Variants in SPIDR observed in about 807,000 individuals in gnomAD.
The protein encoded by SPIDR is scaffold protein involved in DNA repair, also known as DNA repair-scaffolding protein.
A neutral mutation model predicts 104.6 loss-of-function variants in SPIDR; 93 were observed. The observed-to-expected ratio is 0.89, with a 90% confidence interval of 0.75 to 1.06. SPIDR has a LOEUF of 1.06. SPIDR is among the 50% of genes least tolerant of loss of function. The pLI is 0.00. For missense variants in SPIDR, 1,154 were observed against 1,111.2 expected (o/e 1.04, Z -0.55); for synonymous variants, 431 against 416.9 (o/e 1.03, Z -0.41).
At chr8:47,713,755 A>ATATT in intron 16 of SPIDR, 114 bp downstream of exon 16, 1 of 1,350,542 alleles carries the variant, frequency 7.4e-7, no homozygotes, top group East Asian at 2.5e-5. Context: ...AGTTCCAGAC[A>ATATT]CTGGATACAT....
rs377137954 is a variant in SPIDR, at chr8:47,553,193, C to T, written c.1098-42618C>T. Among the ~76,000 whole-genome samples, 575 of 152,260 alleles carry T rather than the reference C, an allele frequency of 3.8e-3. 3 individuals carry two copies. The highest frequency in any genetic ancestry group is 0.022 in the South Asian group (105 of 4,812). ...GACCTTTCTCTCTGGCTGCCCTTAACATTTTTTCTTCCATTTCAACCTTGG... is the reference window on the plus strand; with the variant it reads ...GACCTTTCTCTCTGGCTGCCCTTAATATTTTTTCTTCCATTTCAACCTTGG... On this transcript the variant is annotated intron_variant, in intron 8 of 19. Coordinates refer to ENST00000297423, the MANE Select transcript of SPIDR (RefSeq NM_001080394.4).
chr8:47,260,954 CGG>C lies in SPIDR; in HGVS notation c.-4_-3del. ...AGGCGGTGCGCTCAGGCGGCGCTCCCGGAGATGCCCCGCGGCAGCCGCGCTCG... is the reference window on the plus strand; with the variant it reads ...AGGCGGTGCGCTCAGGCGGCGCTCCCAGATGCCCCGCGGCAGCCGCGCTCG... On this transcript the variant is annotated 5_prime_UTR_variant, in exon 1 of 20. Coordinates refer to ENST00000297423, the MANE Select transcript of SPIDR (RefSeq NM_001080394.4). 1 of 1,228,814 alleles carries C rather than the reference CGG, an allele frequency of 8.1e-7. No individual in the cohort carries two copies. Among genetic ancestry groups the C allele is most frequent in the Non-Finnish European group, 1.0e-6 (1 of 985,792 alleles). The allele number at this position is 1,228,814 out of a possible 1,614,324, so 76.1% of individuals were successfully genotyped here.
At chr8:47,699,502 C>T (rs931207965) in intron 11 of SPIDR, among the ~76,000 whole-genome samples, 9 of 152,274 alleles carry the variant, frequency 5.9e-5, no homozygotes, top group Admixed American at 4.6e-4. Flanking sequence ...GAGAACCATA[C>T]AACTGAAATC....
At chr8:47,398,415 CAG>C (rs1221853789) in intron 6 of SPIDR, among the ~76,000 whole-genome samples, 2 of 151,776 alleles carry the variant, frequency 1.3e-5, no homozygotes, top group Non-Finnish European at 2.9e-5. Flanking sequence ...GATGTCAACT[CAG>C]AGAGAGAAAT....
chr8:47,707,453 G>A (rs1468899964), intron 14 of SPIDR, among the ~76,000 whole-genome samples: 3 of 152,168 alleles, frequency 2.0e-5, no homozygotes, highest in Non-Finnish European at 4.4e-5. Flanking sequence ...GTTTATTGTT[G>A]AGTCTTTAAA....
intron 9 of SPIDR, among the ~76,000 whole-genome samples, chr8:47,597,218 C>G (rs1303520016): frequency 6.6e-6 from 1 of 152,156 alleles, no homozygotes; most frequent in East Asian, 1.9e-4. Flanking sequence ...TGGCAACACA[C>G]TACCTTTTTT....
At chr8:47,387,831 C>G (rs1554649242) in intron 5 of SPIDR, among the ~76,000 whole-genome samples, 1 of 152,220 alleles carries the variant, frequency 6.6e-6, no homozygotes, top group Non-Finnish European at 1.5e-5. Flanking sequence ...CAAGTTCATG[C>G]TCCTTGCCTA....
At chr8:47,566,618 A>G (rs1253448781) in intron 8 of SPIDR, among the ~76,000 whole-genome samples, 1 of 151,424 alleles carries the variant, frequency 6.6e-6, no homozygotes, top group Non-Finnish European at 1.5e-5. Context: ...TTTGAGAAGG[A>G]GCCTCGCTCT....
intron 8 of SPIDR, among the ~76,000 whole-genome samples, chr8:47,467,426 C>G (rs1247978100): frequency 1.3e-5 from 2 of 152,112 alleles, no homozygotes; most frequent in Non-Finnish European, 2.9e-5. Flanking sequence ...AAACTTTAGG[C>G]CAATATTTTT....
chr8:47,527,700 C>T (rs1170703250), intron 8 of SPIDR: 6 of 152,200 alleles, frequency 3.9e-5, no homozygotes, highest in South Asian at 2.1e-4. Context: ...CAGTATGGTT[C>T]GCCAGATGGC....
At chr8:47,304,857 G>A (rs1274943165) in intron 5 of SPIDR, among the ~76,000 whole-genome samples, 1 of 152,218 alleles carries the variant, frequency 6.6e-6, no homozygotes, top group African/African-American at 2.4e-5. Context: ...TAGGCCATGA[G>A]GGCCTTGCCC....
intron 5 of SPIDR, among the ~76,000 whole-genome samples, chr8:47,351,348 G>A (rs1009638450): frequency 6.6e-6 from 1 of 152,158 alleles, no homozygotes; most frequent in Non-Finnish European, 1.5e-5. Context: ...GAGGTCCCAT[G>A]TTTTAAAAGC....
At chr8:47,508,644 C>T (rs577061040) in intron 8 of SPIDR, among the ~76,000 whole-genome samples, 1 of 152,312 alleles carries the variant, frequency 6.6e-6, no homozygotes, top group African/African-American at 2.4e-5. Flanking sequence ...ACAATGCTCA[C>T]TGCATAGGTC....
At chr8:47,722,674 C>T (rs1288997703) in intron 16 of SPIDR, among the ~76,000 whole-genome samples, 3 of 152,160 alleles carry the variant, frequency 2.0e-5, no homozygotes, top group African/African-American at 7.2e-5. Context: ...CACACATTTT[C>T]TACAGATTGA....
chr8:47,314,920 A>T (rs1173558755), intron 5 of SPIDR, among the ~76,000 whole-genome samples: 1 of 152,208 alleles, frequency 6.6e-6, no homozygotes, highest in Non-Finnish European at 1.5e-5. Flanking sequence ...ATAATGACAC[A>T]GATAGATTGA....
chr8:47,377,245 T>A (rs894125798), intron 5 of SPIDR, among the ~76,000 whole-genome samples: 3 of 152,232 alleles, frequency 2.0e-5, no homozygotes, highest in Non-Finnish European at 4.4e-5. Flanking sequence ...GGTTTTTACA[T>A]CTCACTGTAC....
intron 8 of SPIDR, among the ~76,000 whole-genome samples, chr8:47,551,170 G>A (rs2090400603): frequency 6.6e-6 from 1 of 152,174 alleles, no homozygotes; most frequent in Non-Finnish European, 1.5e-5. Context: ...GATTTGGTTT[G>A]CCAGTATTTT....
At chr8:47,504,429 G>A (rs2081136769) in intron 8 of SPIDR, among the ~76,000 whole-genome samples, 1 of 151,950 alleles carries the variant, frequency 6.6e-6, no homozygotes, top group African/African-American at 2.4e-5. Context: ...GATCGAATCG[G>A]CTACTGAGGC....
intron 8 of SPIDR, among the ~76,000 whole-genome samples, chr8:47,447,087 G>A (rs2070787513): frequency 6.6e-6 from 1 of 152,144 alleles, no homozygotes; most frequent in African/African-American, 2.4e-5. Context: ...CACATGCGGT[G>A]GAAAAAGCAA....
Sources: allele counts gnomAD v4.1 joint callset (sites outside exome capture counted in the v4.1 genomes callset), GRCh38; gene constraint gnomAD v4.1.1; transcripts MANE v1.5; gene names NCBI Gene and HGNC (gene_info 2026-07-23, HGNC 2026-07-21).